SPAG6: variants seen among roughly 807,000 people sequenced by gnomAD.
The protein encoded by SPAG6 is sperm associated antigen 6, also known as sperm-associated antigen 6.
A neutral mutation model predicts 58.5 loss-of-function variants in SPAG6; 49 were observed. The ratio of observed to expected loss-of-function variants is 0.84; its 90% CI spans 0.67 to 1.06. The LOEUF is 1.06. Among genes scored for constraint, SPAG6 ranks in the 50% least tolerant of loss-of-function variants. SPAG6 has a pLI of 0.00. For synonymous variants in SPAG6, 233 were observed against 225.6 expected (o/e 1.03, Z -0.29); for missense variants, 560 against 611.3 (o/e 0.92, Z 0.89).
At chr10:22,407,760 C>G (rs1307166427) in intron 9 of SPAG6, among the ~76,000 whole-genome samples, 2 of 152,152 alleles carry the variant, frequency 1.3e-5, no homozygotes, top group African/African-American at 4.8e-5. Context: ...TTCTCCCCGT[C>G]ACTTTCAGGT....
chr10:22,370,630 A>T (rs1433483926), intron 4 of SPAG6, among the ~76,000 whole-genome samples: 1 of 152,238 alleles, frequency 6.6e-6, no homozygotes, highest in Non-Finnish European at 1.5e-5. Context: ...ACAAAATAGA[A>T]ATAAAACAGT....
At chr10:22,354,068 G>A (rs1178667524) in intron 2 of SPAG6, among the ~76,000 whole-genome samples, 1 of 152,184 alleles carries the variant, frequency 6.6e-6, no homozygotes, top group Non-Finnish European at 1.5e-5. Flanking sequence ...ATGAAGTTTA[G>A]ATTTCTCCTG....
chr10:22,364,464 C>T (rs1316350149), intron 2 of SPAG6, among the ~76,000 whole-genome samples: 1 of 152,096 alleles, frequency 6.6e-6, no homozygotes, highest in Non-Finnish European at 1.5e-5. Flanking sequence ...GGCCTTGAAG[C>T]GAGCCTTGAA....
intron 10 of SPAG6, 170 bp downstream of exon 10, chr10:22,411,346 TCTGA>T (rs1299932578): frequency 1.5e-5 from 8 of 527,632 alleles, no homozygotes; most frequent in Non-Finnish European, 2.0e-5. Flanking sequence ...TAATTAATGA[TCTGA>T]CTGACACGCA....
chr10:22,407,900 G>A (rs1834601390), intron 9 of SPAG6, among the ~76,000 whole-genome samples: 2 of 150,180 alleles, frequency 1.3e-5, no homozygotes, highest in Admixed American at 1.3e-4. Context: ...ATCTTCCATT[G>A]CTGATACCCT....
At chr10:22,364,588 G>C (rs561995209) in intron 2 of SPAG6, among the ~76,000 whole-genome samples, 1 of 152,252 alleles carries the variant, frequency 6.6e-6, no homozygotes, top group East Asian at 1.9e-4. Flanking sequence ...AGGTAATATA[G>C]ACAGGACTTG....
At chr10:22,403,320 T>C (rs1834461588) in intron 9 of SPAG6, among the ~76,000 whole-genome samples, 1 of 151,950 alleles carries the variant, frequency 6.6e-6, no homozygotes. Flanking sequence ...GAGTGTGATG[T>C]TCTCCTTCCT....
chr10:22,353,556 CTTTTA>C (rs1836788620), intron 2 of SPAG6, among the ~76,000 whole-genome samples: 2 of 152,282 alleles, frequency 1.3e-5, no homozygotes, highest in South Asian at 2.1e-4. Context: ...ACCCATTTTG[CTTTTA>C]TTTTAACTAA....
intron 9 of SPAG6, among the ~76,000 whole-genome samples, chr10:22,404,233 T>A (rs1404301849): frequency 9.8e-6 from 1 of 102,178 alleles, no homozygotes; most frequent in Admixed American, 1.1e-4. Context: ...TGAATGGTAA[T>A]GCCTAGGTTT....
At chr10:22,391,983 C>G (rs974577395) in intron 8 of SPAG6, 63 bp downstream of exon 8, 1 of 1,094,064 alleles carries the variant, frequency 9.1e-7, no homozygotes, top group Non-Finnish European at 1.3e-6. Flanking sequence ...CATTTCAAAT[C>G]TCTTTGTTTT....
rs112430468 is a variant in SPAG6 at position 22,409,559 on chromosome 10, A to G, written c.1315-1472A>G. On this transcript the variant is annotated intron_variant, in intron 9 of 10. Coordinates refer to ENST00000376624, the MANE Select transcript of SPAG6 (RefSeq NM_012443.4). Reference sequence around the variant, plus strand: ...ACATTTCAATGTACTAGACTTGGAGATAAACTTTTTTTAAAAGAAGGAATG... The same window carrying G: ...ACATTTCAATGTACTAGACTTGGAGGTAAACTTTTTTTAAAAGAAGGAATG... 1.9e-3 allele frequency among the ~76,000 whole-genome samples: 288 copies of G among 152,382 alleles called. 5 individuals carry two copies. Among genetic ancestry groups the G allele is most frequent in the African/African-American group, 6.2e-3 (257 of 41,596 alleles).
chr10:22,368,611 A>G lies in SPAG6; in HGVS notation c.405A>G (p.Glu135=). Reference sequence around the variant, plus strand: ...TGGATACGCTGGTCATATGCTTGGAAGATTTTGACCCTGGAGTCAAGGAGG... The same window carrying G: ...TGGATACGCTGGTCATATGCTTGGAGGATTTTGACCCTGGAGTCAAGGAGG... ...GALDTLVICL[E]DFDPGVKEAA... The change falls in exon 4 of 11, where the codon GAA becomes GAG. Residue 135 remains glutamate (E), a synonymous_variant. Coordinates refer to ENST00000376624, the MANE Select transcript of SPAG6 (RefSeq NM_012443.4). 1 of 1,614,032 alleles carries G rather than the reference A, an allele frequency of 6.2e-7. No individual in the cohort carries two copies. Among genetic ancestry groups the G allele is most frequent in the Non-Finnish European group, 8.5e-7 (1 of 1,179,956 alleles).
At chr10:22,362,267 A>G (rs914015195) in intron 2 of SPAG6, among the ~76,000 whole-genome samples, 2 of 149,784 alleles carry the variant, frequency 1.3e-5, no homozygotes, top group Non-Finnish European at 3.0e-5. Context: ...AAAAGCCCAG[A>G]ATAATCAGGA....
At chr10:22,397,209 G>GACACACACACACACGC (rs1834313292) in intron 8 of SPAG6, among the ~76,000 whole-genome samples, 1 of 151,236 alleles carries the variant, frequency 6.6e-6, no homozygotes, top group East Asian at 1.9e-4. Flanking sequence ...CACACACACA[G>GACACACACACACACGC]ACACACACAC....
At chr10:22,392,812 G>A (rs1564375035) in intron 8 of SPAG6, among the ~76,000 whole-genome samples, 1 of 152,134 alleles carries the variant, frequency 6.6e-6, no homozygotes, top group Non-Finnish European at 1.5e-5. Context: ...GTTATGTATA[G>A]TGAATTATCT....
intron 10 of SPAG6, among the ~76,000 whole-genome samples, chr10:22,414,772 A>G (rs530884193): frequency 1.3e-5 from 2 of 152,198 alleles, no homozygotes; most frequent in African/African-American, 4.8e-5. Flanking sequence ...TCTTAAATTA[A>G]TTAATTTTTT....
intron 8 of SPAG6, among the ~76,000 whole-genome samples, chr10:22,396,262 T>G (rs1834290073): frequency 6.6e-6 from 1 of 152,194 alleles, no homozygotes; most frequent in Non-Finnish European, 1.5e-5. Context: ...GGAGATAATT[T>G]GAATCATGGG....
chr10:22,382,235 T>A (rs1387662229), intron 4 of SPAG6, among the ~76,000 whole-genome samples: 2 of 152,184 alleles, frequency 1.3e-5, no homozygotes, highest in African/African-American at 4.8e-5. Flanking sequence ...GCTGCCTCAG[T>A]TTCTTCACTC....
At chr10:22,403,482 T>A (rs994871217) in intron 9 of SPAG6, among the ~76,000 whole-genome samples, 1 of 152,238 alleles carries the variant, frequency 6.6e-6, no homozygotes, top group Non-Finnish European at 1.5e-5. Context: ...TTTTATGGCT[T>A]CATACTATTC....
Sources: allele counts gnomAD v4.1 joint callset (sites outside exome capture counted in the v4.1 genomes callset), GRCh38; gene constraint gnomAD v4.1.1; transcripts MANE v1.5; gene names NCBI Gene and HGNC (gene_info 2026-07-23, HGNC 2026-07-21).